IL4I1: variants seen among roughly 807,000 people sequenced by gnomAD.
IL4I1 encodes the protein interleukin 4 induced 1.
Under a neutral mutation model 29.7 loss-of-function variants are expected in IL4I1, and 24 were observed. The ratio of observed to expected loss-of-function variants is 0.81; its 90% CI spans 0.59 to 1.14. The LOEUF is 1.14. IL4I1 is among the 50% of genes most tolerant of loss of function. IL4I1 has a pLI of 0.00. For synonymous variants in IL4I1, 371 were observed against 352.5 expected (o/e 1.05, Z -0.59); for missense variants, 686 against 785.6 (o/e 0.87, Z 1.52).
intron 3 of IL4I1, among the ~76,000 whole-genome samples, chr19:49,903,111 T>C (rs952333321): frequency 1.3e-5 from 2 of 151,446 alleles, no homozygotes; most frequent in African/African-American, 2.4e-5. Flanking sequence ...CAGGACTCTC[T>C]GAAAAAAAAA....
At chr19:49,923,077 T>C (rs1432049756) in intron 2 of IL4I1, among the ~76,000 whole-genome samples, 1 of 151,828 alleles carries the variant, frequency 6.6e-6, no homozygotes, top group East Asian at 1.9e-4. Flanking sequence ...CTGTGTCCCT[T>C]TTTTTTTGCA....
chr19:49,892,923 A>G (rs1197896341), intron 5 of IL4I1, among the ~76,000 whole-genome samples: 1 of 152,014 alleles, frequency 6.6e-6, no homozygotes, highest in Non-Finnish European at 1.5e-5. Context: ...GGCTTCCTGG[A>G]GGAGGGGACA....
chr19:49,923,465 CG>C (rs2075812318), intron 2 of IL4I1, among the ~76,000 whole-genome samples: 1 of 152,160 alleles, frequency 6.6e-6, no homozygotes, highest in South Asian at 2.1e-4. Context: ...TCGAAGCGTT[CG>C]GGGGAGCAGT....
At chr19:49,894,729 G>A (rs563586731) in intron 4 of IL4I1, among the ~76,000 whole-genome samples, 1 of 151,674 alleles carries the variant, frequency 6.6e-6, no homozygotes, top group Non-Finnish European at 1.5e-5. Flanking sequence ...GGGGGACAGA[G>A]TTTGGGTTGG....
At chr19:49,903,338 G>A (rs1226314519) in intron 3 of IL4I1, among the ~76,000 whole-genome samples, 1 of 152,170 alleles carries the variant, frequency 6.6e-6, no homozygotes, top group Non-Finnish European at 1.5e-5. Context: ...GCGTCTGAGA[G>A]GGTTCAACCT....
At position 49,924,088 on chromosome 19, in the gene IL4I1, A is replaced by G. The variant is rs112630325; in HGVS notation, c.-228+3606T>C. On this transcript the variant is annotated intron_variant, in intron 2 of 9. Transcript: ENST00000341114. ...GAATCGATAGCGTCTGGCAACTGTGAGCAGCAGCAGGCCTGAGGTGAGGGT... is the reference window on the plus strand; with the variant it reads ...GAATCGATAGCGTCTGGCAACTGTGGGCAGCAGCAGGCCTGAGGTGAGGGT... Among the ~76,000 whole-genome samples the G allele has an allele frequency of 2.2e-3, 337 of 152,284 alleles. 2 individuals carry two copies. The highest frequency in any genetic ancestry group is 3.6e-3 in the Non-Finnish European group (247 of 68,006).
At chr19:49,914,726 G>GT (rs530372497) in intron 2 of IL4I1, among the ~76,000 whole-genome samples, 1,114 of 56,296 alleles carry the variant, frequency 0.02, 256 homozygotes, top group African/African-American at 0.03. Context: ...CCAAGTCCCA[G>GT]TTTTTTTTTT....
chr19:49,910,880 G>A (rs1208099582), intron 2 of IL4I1, among the ~76,000 whole-genome samples: 2 of 152,144 alleles, frequency 1.3e-5, no homozygotes, highest in African/African-American at 2.4e-5. Context: ...GTGAGGAAAG[G>A]GTGAGAGGGA....
rs1314430170 is a variant in IL4I1 at position 49,890,402 on chromosome 19, T to C, written c.972A>G (p.Gly324=). 1.2e-6 allele frequency: 2 copies of C among 1,607,396 alleles called. No homozygotes were observed. The highest frequency in any genetic ancestry group is 2.7e-5 in the African/African-American group (2 of 74,888). ...KADVVLLTAS[G]PAVKRITFSP... is the part of the protein sequence containing the mutation. ...AGAAGGTGATGCGCTTCACCGCCGGTCCGCTCGCCGTCAGCAGCACCACGT... is the reference window on the plus strand; with the variant it reads ...AGAAGGTGATGCGCTTCACCGCCGGCCCGCTCGCCGTCAGCAGCACCACGT... The change falls in exon 8 of 8, where the codon GGA becomes GGG. Residue 324 remains glycine (G), a synonymous_variant. Transcript: ENST00000391826.
upstream of IL4I1, chr19:49,896,899 G>A: frequency 1.0e-6 from 1 of 985,536 alleles, no homozygotes; most frequent in Non-Finnish European, 1.2e-6. Flanking sequence ...TCTCTGCTGT[G>A]GCCCTTTCTC....
rs2075755475 is a variant in IL4I1 at position 49,921,073 on chromosome 19, C to T, written c.-228+6621G>A. On this transcript the variant is annotated intron_variant, in intron 2 of 9. Coordinates refer to the IL4I1 transcript ENST00000341114. The surrounding 1 kb of genome is among the most constrained non-coding windows in gnomAD (Gnocchi z 5.4). ...AAGCAAACACAGCCCCTTCCTGCCT[C>T]GGCGGACATCTCCACACCCACATTT... Among the ~76,000 whole-genome samples the T allele has an allele frequency of 1.3e-5, 2 of 152,156 alleles. No individual in the cohort carries two copies. The highest frequency in any genetic ancestry group is 2.9e-5 in the Non-Finnish European group (2 of 68,028).
upstream of IL4I1, chr19:49,896,917 A>C: frequency 1.0e-6 from 1 of 983,172 alleles, no homozygotes; most frequent in Non-Finnish European, 1.2e-6. Context: ...CTCTCCCCTT[A>C]AACTGGCAGA....
chr19:49,896,095 G>A (rs146512348), intron 2 of IL4I1, 42 bp from the exon 3 acceptor site: 32,234 of 1,590,788 alleles, frequency 0.02, 545 homozygotes, highest in Middle Eastern at 0.044. Flanking sequence ...GTGGCAGGTC[G>A]GGGGAGAGGG....
At chr19:49,920,168 T>G (rs1182812180) in intron 2 of IL4I1, among the ~76,000 whole-genome samples, 1 of 151,996 alleles carries the variant, frequency 6.6e-6, no homozygotes, top group Admixed American at 6.6e-5. Context: ...TCGCAACCTC[T>G]GCCTCCCGGG....
At chr19:49,902,000 A>T (rs935483593) in intron 3 of IL4I1, 2 of 220,832 alleles carry the variant, frequency 9.1e-6, no homozygotes, top group East Asian at 1.8e-4. Flanking sequence ...CAGGCACCAT[A>T]TTGTCTTCTG....
chr19:49,929,220 A>C (rs1202860478), intron 1 of IL4I1: 1 of 152,622 alleles, frequency 6.6e-6, no homozygotes, highest in Non-Finnish European at 1.5e-5. Flanking sequence ...CTGTCCTCGG[A>C]TCACAGTCTC....
At chr19:49,900,011 C>T (rs1354755755), upstream of IL4I1, among the ~76,000 whole-genome samples, 2 of 152,112 alleles carry the variant, frequency 1.3e-5, no homozygotes. Context: ...AATTTTTGTA[C>T]TTTTTCATAG....
In IL4I1 at chr19:49,894,391, C is replaced by T; in HGVS notation, c.444G>A (p.Glu148=). Residue 148 remains glutamate (E), a synonymous_variant, in exon 5 of 8, where the codon GAG becomes GAA. Transcript: ENST00000391826. ...AGTTGCGCAGCTTCACTTCGTGCAC[C>T]TCCGTCCACGTGTTCTTGTCGTACT... ...FTQYDKNTWT[E]VHEVKLRNYV... 1 of 1,614,212 alleles carries T rather than the reference C, an allele frequency of 6.2e-7. No homozygotes were observed. The highest frequency in any genetic ancestry group is 8.5e-7 in the Non-Finnish European group (1 of 1,180,030).
At chr19:49,904,834 C>T (rs1166607814) in intron 2 of IL4I1, among the ~76,000 whole-genome samples, 2 of 151,982 alleles carry the variant, frequency 1.3e-5, no homozygotes, top group African/African-American at 2.4e-5. Context: ...CTCAGTCTCC[C>T]GAGTAGCTGG....
Sources: gnomAD v4.1 joint callset for allele counts (sites outside exome capture counted in the v4.1 genomes callset) on GRCh38, gnomAD v4.1.1 for gene constraint, Gnocchi (gnomAD v3.1) non-coding constraint, MANE v1.5 for transcripts, NCBI Gene and HGNC (gene_info 2026-07-23, HGNC 2026-07-21) for gene names.